Variants in BCL2 observed in about 807,000 individuals in gnomAD.
BCL2 encodes the protein apoptosis regulator Bcl-2.
A neutral mutation model predicts 14.2 loss-of-function variants in BCL2; 1 was observed. The ratio of observed to expected loss-of-function variants is 0.07; its 90% CI spans 0.02 to 0.33. The LOEUF (loss-of-function observed/expected upper bound fraction) is 0.33, where lower values mean the gene tolerates loss of function less well. Ranked by LOEUF, BCL2 falls within the 10% of genes least tolerant of loss-of-function variation. The pLI, the probability that BCL2 is intolerant of heterozygous loss-of-function variation, is 0.99. For synonymous variants in BCL2, 151 were observed against 137.2 expected, an observed-to-expected ratio of 1.10 and a Z score of -0.70; for missense variants, 247 against 305.9, an observed-to-expected ratio of 0.81 and a Z score of 1.44.
chr18:63,196,646 A>T (rs1027375658), intron 2 of BCL2, among the ~76,000 whole-genome samples: 1 of 152,218 alleles, frequency 6.6e-6, no homozygotes, highest in Admixed American at 6.5e-5. Flanking sequence ...TAATATGCTC[A>T]CTTAACTCAG....
chr18:63,182,481 G>T (rs1339878787), intron 2 of BCL2, among the ~76,000 whole-genome samples: 1 of 152,242 alleles, frequency 6.6e-6, no homozygotes, highest in Non-Finnish European at 1.5e-5. Flanking sequence ...TGGACAAAAT[G>T]CGTCCTTGGC....
At chr18:63,239,437 C>T (rs143408480) in intron 2 of BCL2, among the ~76,000 whole-genome samples, 188 of 152,230 alleles carry the variant, frequency 1.2e-3, no homozygotes, top group African/African-American at 4.3e-3. Context: ...ATGGACAAGG[C>T]AATTCTGGTG....
chr18:63,146,512 C>T (rs564803535), intron 2 of BCL2, among the ~76,000 whole-genome samples: 1 of 152,376 alleles, frequency 6.6e-6, no homozygotes, highest in East Asian at 1.9e-4. Flanking sequence ...CTCTACAAGC[C>T]TCCTTTAACC....
chr18:63,253,703 T>G lies in BCL2; in HGVS notation c.585+64379A>C, dbSNP rs558668525. Among the ~76,000 whole-genome samples the G allele has an allele frequency of 7.9e-5, 12 of 152,298 alleles. No individual in the cohort carries two copies. The South Asian group carries it at 2.3e-3, about 29-fold the overall frequency. On this transcript the variant is annotated intron_variant, in intron 2 of 2. Coordinates refer to ENST00000333681, the MANE Select transcript of BCL2 (RefSeq NM_000633.3). ...AGTTGAATCATTTAATTGCAGGAGTTAAAAGACTTGTCTGTGTTTAGAAAA... is the reference window on the plus strand; with the variant it reads ...AGTTGAATCATTTAATTGCAGGAGTGAAAAGACTTGTCTGTGTTTAGAAAA...
chr18:63,293,827 T>C (rs541227255), intron 2 of BCL2, among the ~76,000 whole-genome samples: 2 of 152,316 alleles, frequency 1.3e-5, no homozygotes, highest in African/African-American at 2.4e-5. Context: ...TAACAGAGTA[T>C]GTAAATTTAT....
chr18:63,271,653 C>CCA (rs1912006948), intron 2 of BCL2, among the ~76,000 whole-genome samples: 1 of 152,192 alleles, frequency 6.6e-6, no homozygotes, highest in African/African-American at 2.4e-5. Flanking sequence ...GCAAACAAAG[C>CCA]CACACACCAA....
intron 2 of BCL2, among the ~76,000 whole-genome samples, chr18:63,161,183 T>A (rs897087195): frequency 6.6e-6 from 1 of 152,214 alleles, no homozygotes; most frequent in Non-Finnish European, 1.5e-5. Flanking sequence ...CTCGTAAGTA[T>A]TAAGAGCATA....
chr18:63,247,265 C>T (rs1035512651), intron 2 of BCL2, among the ~76,000 whole-genome samples: 1 of 150,166 alleles, frequency 6.7e-6, no homozygotes, highest in South Asian at 2.1e-4. Context: ...ATGATGCAAT[C>T]TCGGCTCACT....
intron 2 of BCL2, among the ~76,000 whole-genome samples, chr18:63,174,518 T>C (rs901426819): frequency 6.6e-6 from 1 of 152,160 alleles, no homozygotes; most frequent in Non-Finnish European, 1.5e-5. Context: ...ATTCATTTTC[T>C]GTTATAAAGA....
intron 2 of BCL2, chr18:63,315,447 AC>A (rs1913465144): frequency 6.6e-6 from 1 of 152,340 alleles, no homozygotes; most frequent in South Asian, 2.1e-4. Context: ...GTTATGGAAC[AC>A]AAAAGTCAAA....
rs567630569 is a variant in BCL2 at position 63,218,217 on chromosome 18, T to A, written c.586-89458A>T. ...ATGTGGCTCAAGCTCATGTCTTTTC[T>A]GTCTGACACCAGCAAGTTCTGATCT... On this transcript the variant is annotated intron_variant, in intron 2 of 2. Coordinates refer to ENST00000333681, the MANE Select transcript of BCL2 (RefSeq NM_000633.3). Among the ~76,000 whole-genome samples, 4 of 144,922 alleles carry A rather than the reference T, an allele frequency of 2.8e-5. No homozygotes were observed. The East Asian group carries it at 7.7e-4, about 28-fold the overall frequency.
chr18:63,218,601 A>C (rs1599252018), intron 2 of BCL2, among the ~76,000 whole-genome samples: 1 of 2,956 alleles, frequency 3.4e-4, no homozygotes, highest in African/African-American at 1.1e-3. Context: ...TCTCTCCACC[A>C]CCATCCACTC....
In BCL2 at chr18:63,126,145, T is replaced by A. The variant is rs1452581897; in HGVS notation, c.*2480A>T. The A allele has an allele frequency of 9.4e-6, 2 of 213,570 alleles. No individual in the cohort carries two copies. The highest frequency in any genetic ancestry group is 1.4e-4 in the East Asian group (2 of 14,434). 13.2% of individuals were successfully genotyped at this position (213,570 alleles called of 1,614,324 possible). On this transcript the variant is annotated 3_prime_UTR_variant, in exon 3 of 3. Coordinates refer to ENST00000333681, the MANE Select transcript of BCL2 (RefSeq NM_000633.3). ...TCACTTTGACAATGTAAACCTTTCA[T>A]AAAATAATATTTTGCTTAAAAATTA... is the stretch of plus-strand genomic sequence containing the variant.
At chr18:63,222,006 C>A (rs1369941040) in intron 2 of BCL2, among the ~76,000 whole-genome samples, 1 of 152,108 alleles carries the variant, frequency 6.6e-6, no homozygotes, top group African/African-American at 2.4e-5. Flanking sequence ...AGAGGCCGGG[C>A]ATGGCAGCAC....
intron 2 of BCL2, among the ~76,000 whole-genome samples, chr18:63,274,678 A>C (rs1396139809): frequency 6.6e-6 from 1 of 152,120 alleles, no homozygotes; most frequent in Non-Finnish European, 1.5e-5. Flanking sequence ...TTTTGAAGCA[A>C]ACGGAACTGC....
chr18:63,218,741 C>CCCCATCCTCCATTCAT (rs1568237505), intron 2 of BCL2, among the ~76,000 whole-genome samples: 7 of 226 alleles, frequency 0.031, no homozygotes, highest in Admixed American at 0.071. Flanking sequence ...CTCCACTCAT[C>CCCCATCCTCCATTCAT]TCCATCCTCC....
rs1913849222 is a variant in BCL2, at chr18:63,124,169, A to G, written c.*4456T>C. 1 of 222,288 alleles carries G rather than the reference A, an allele frequency of 4.5e-6. No homozygotes were observed. Among genetic ancestry groups the G allele is most frequent in the South Asian group, 1.8e-4 (1 of 5,440 alleles). 13.8% of individuals were successfully genotyped at this position (222,288 alleles called of 1,614,324 possible). A position where few individuals can be genotyped will look rare whatever the true frequency, so the allele number is the denominator to read the frequency against. The stretch of plus-strand genomic sequence containing the variant: ...CATGGAACAGAATGATTCACTGGGT[A>G]AGACTAAAGGACTTGTATTATCACT... On this transcript the variant is annotated 3_prime_UTR_variant, in exon 3 of 3. Transcript: ENST00000333681.
chr18:63,178,948 G>A (rs1915415497), intron 2 of BCL2, among the ~76,000 whole-genome samples: 1 of 150,390 alleles, frequency 6.6e-6, no homozygotes, highest in Admixed American at 6.6e-5. Flanking sequence ...GAGGATTTGG[G>A]GATCACAAAA....
intron 2 of BCL2, among the ~76,000 whole-genome samples, chr18:63,166,261 G>A (rs554418008): frequency 3.9e-5 from 6 of 152,310 alleles, no homozygotes; most frequent in African/African-American, 1.2e-4. Flanking sequence ...AGAAGGATCC[G>A]CTGTGGAGGA....
Sources: allele counts gnomAD v4.1 joint callset (sites outside exome capture counted in the v4.1 genomes callset), GRCh38; gene constraint gnomAD v4.1.1; transcripts MANE v1.5; gene names NCBI Gene and HGNC (gene_info 2026-07-23, HGNC 2026-07-21).